RTF1: variants seen among roughly 807,000 people sequenced by gnomAD.
RTF1 encodes the protein RTF1 homolog, Paf1/RNA polymerase II complex component, also known as RNA polymerase-associated protein RTF1 homolog.
A neutral mutation model predicts 95.7 loss-of-function variants in RTF1; 10 were observed. That is an observed-to-expected ratio of 0.10 (90% CI 0.06 to 0.18). RTF1 has a LOEUF of 0.18. RTF1 is among the 10% of genes least tolerant of loss of function. RTF1 has a pLI of 1.00. For synonymous variants in RTF1, 305 were observed against 311.8 expected (o/e 0.98, Z 0.23); for missense variants, 458 against 875.6 (o/e 0.52, Z 6.02).
intron 3 of RTF1, among the ~76,000 whole-genome samples, chr15:41,455,263 G>A (rs1397832265): frequency 1.3e-5 from 2 of 149,898 alleles, no homozygotes; most frequent in Admixed American, 6.7e-5. Context: ...GCAGTGAGCC[G>A]AGATCACCCC....
chr15:41,473,514 C>T (rs926652285), intron 8 of RTF1, among the ~76,000 whole-genome samples: 3 of 151,528 alleles, frequency 2.0e-5, no homozygotes, highest in Admixed American at 6.6e-5. Flanking sequence ...GGACTCAAGC[C>T]ATCTTCCTGC....
At chr15:41,431,797 C>T (rs1444382325) in intron 1 of RTF1, among the ~76,000 whole-genome samples, 1 of 151,592 alleles carries the variant, frequency 6.6e-6, no homozygotes, top group Non-Finnish European at 1.5e-5. Context: ...GTGTCCCTGG[C>T]TCATACTTTT....
chr15:41,472,468 A>G (rs2050917821), intron 8 of RTF1, among the ~76,000 whole-genome samples: 1 of 151,704 alleles, frequency 6.6e-6, no homozygotes, highest in Non-Finnish European at 1.5e-5. Flanking sequence ...CGGCCTCCCA[A>G]AGTGCTGGGA....
intron 1 of RTF1, among the ~76,000 whole-genome samples, chr15:41,437,260 C>G (rs1445996914): frequency 6.6e-6 from 1 of 151,396 alleles, no homozygotes; most frequent in African/African-American, 2.4e-5. Flanking sequence ...CTTTGGGATG[C>G]CAAGGCGGGC....
At chr15:41,472,008 C>T (rs978261108) in intron 8 of RTF1, among the ~76,000 whole-genome samples, 1 of 151,448 alleles carries the variant, frequency 6.6e-6, no homozygotes, top group African/African-American at 2.4e-5. Flanking sequence ...AAGTGATTCT[C>T]CCGCCTCAGC....
chr15:41,479,495 C>T (rs1449905112), intron 16 of RTF1, among the ~76,000 whole-genome samples: 3 of 152,280 alleles, frequency 2.0e-5, no homozygotes, highest in East Asian at 3.9e-4. Flanking sequence ...CTGCCAGCTT[C>T]ACAGGAGGAG....
chr15:41,435,073 G>A (rs1250788084), intron 1 of RTF1, among the ~76,000 whole-genome samples: 1 of 151,240 alleles, frequency 6.6e-6, no homozygotes, highest in Non-Finnish European at 1.5e-5. Flanking sequence ...CGATTCTCCT[G>A]CCTGTAGCCT....
chr15:41,417,426 G>C (rs995900769), intron 1 of RTF1, 113 bp downstream of exon 1: 4 of 932,344 alleles, frequency 4.3e-6, no homozygotes, highest in Non-Finnish European at 5.7e-6. Context: ...AGCTCGCCCC[G>C]TGCCCTGGGC....
rs141593690 is a variant in RTF1 at position 41,461,586 on chromosome 15, G to A, written c.663-3185G>A. Among the ~76,000 whole-genome samples the A allele has an allele frequency of 4.1e-3, 616 of 150,736 alleles. 6 individuals are homozygous for A. Among genetic ancestry groups the A allele is most frequent in the African/African-American group, 0.014 (593 of 41,072 alleles). On this transcript the variant is annotated intron_variant, in intron 4 of 17. Transcript: ENST00000389629. ...CGGCTGACTGCAAGCTCCGCTTCCC[G>A]GGTTCATGCTATTCTGCCTCAGCCT...
At chr15:41,444,075 AAC>A (rs995636042) in intron 2 of RTF1, among the ~76,000 whole-genome samples, 9 of 150,804 alleles carry the variant, frequency 6.0e-5, no homozygotes, top group African/African-American at 9.8e-5. Context: ...CTCAAAAAAA[AAC>A]AAAGAAAAAG....
At chr15:41,437,566 TAGC>T (rs2050711371) in intron 1 of RTF1, among the ~76,000 whole-genome samples, 2 of 152,120 alleles carry the variant, frequency 1.3e-5, no homozygotes. Context: ...GTATTGGTAT[TAGC>T]AGAAAGCAGA....
At chr15:41,443,929 G>A (rs1207180261) in intron 2 of RTF1, among the ~76,000 whole-genome samples, 8 of 151,738 alleles carry the variant, frequency 5.3e-5, no homozygotes, top group African/African-American at 9.7e-5. Context: ...TTAGCCGGGC[G>A]TGGTGGCGGG....
At chr15:41,438,075 C>T (rs1363819639) in intron 1 of RTF1, among the ~76,000 whole-genome samples, 5 of 152,134 alleles carry the variant, frequency 3.3e-5, no homozygotes, top group Non-Finnish European at 5.9e-5. Context: ...AGTTTGGTTC[C>T]ATTTCCTGTC....
intron 16 of RTF1, among the ~76,000 whole-genome samples, chr15:41,479,409 A>G (rs980004019): frequency 1.3e-5 from 2 of 152,162 alleles, no homozygotes; most frequent in Non-Finnish European, 2.9e-5. Context: ...GGCCTTGACT[A>G]TGTCCTTCAG....
chr15:41,445,314 T>C (rs988519829), intron 2 of RTF1, among the ~76,000 whole-genome samples: 1 of 152,226 alleles, frequency 6.6e-6, no homozygotes, highest in African/African-American at 2.4e-5. Context: ...CTAGACACCA[T>C]TAAGATCTCG....
At chr15:41,458,870 G>C (rs976074264) in intron 4 of RTF1, among the ~76,000 whole-genome samples, 3 of 146,470 alleles carry the variant, frequency 2.0e-5, no homozygotes, top group Non-Finnish European at 4.5e-5. Context: ...TCAGGAGTTC[G>C]AGACCTGCCT....
chr15:41,444,075 A>T (rs1409487324), intron 2 of RTF1, among the ~76,000 whole-genome samples: 1 of 150,820 alleles, frequency 6.6e-6, no homozygotes, highest in Non-Finnish European at 1.5e-5. Context: ...CTCAAAAAAA[A>T]ACAAAGAAAA....
At chr15:41,421,173 T>C (rs569909445) in intron 1 of RTF1, among the ~76,000 whole-genome samples, 3 of 152,054 alleles carry the variant, frequency 2.0e-5, no homozygotes, top group African/African-American at 4.8e-5. Flanking sequence ...ACTTTAAAAA[T>C]TGGCCAGGTG....
intron 1 of RTF1, among the ~76,000 whole-genome samples, chr15:41,425,831 G>T (rs1321063759): frequency 1.3e-5 from 2 of 152,214 alleles, no homozygotes; most frequent in Non-Finnish European, 2.9e-5. Flanking sequence ...GTTAGGATGA[G>T]AAGAGGAGTA....
Sources: gnomAD v4.1 joint callset for allele counts (sites outside exome capture counted in the v4.1 genomes callset) on GRCh38, gnomAD v4.1.1 for gene constraint, MANE v1.5 for transcripts, NCBI Gene and HGNC (gene_info 2026-07-23, HGNC 2026-07-21) for gene names.